Variants in OR4N2 observed in about 807,000 individuals in gnomAD.
OR4N2 encodes the protein olfactory receptor family 4 subfamily N member 2.
For synonymous variants in OR4N2, 141 were observed against 140.4 expected (o/e 1.00, Z -0.03); for missense variants, 307 against 377.6 (o/e 0.81, Z 1.55).
chr14:19,824,326 C>A (rs1780870), intron 1 of OR4N2, among the ~76,000 whole-genome samples: 4 of 152,114 alleles, frequency 2.6e-5, no homozygotes, highest in Non-Finnish European at 4.4e-5. Flanking sequence ...GAAGAAAGTT[C>A]ATCAAGAAGT....
In OR4N2 at chr14:19,828,514, G is replaced by A; in HGVS notation, c.*142G>A. The A allele has an allele frequency of 1.2e-6, 1 of 863,948 alleles. No individual in the cohort carries two copies. 53.5% of individuals were successfully genotyped at this position (863,948 alleles called of 1,614,324 possible). A position where few individuals can be genotyped will look rare whatever the true frequency, so the allele number is the denominator to read the frequency against. On this transcript the variant is annotated 3_prime_UTR_variant, in exon 2 of 2. Coordinates refer to ENST00000557677, the MANE Select transcript of OR4N2 (RefSeq NM_001004723.3). ...GGGAACTGAAAAAAGAAATTACTGA[G>A]GCAGATAAGGTCCATCTGCTCTCCA...
intron 1 of OR4N2, among the ~76,000 whole-genome samples, chr14:19,825,011 A>G (rs1879656250): frequency 6.6e-6 from 1 of 152,258 alleles, no homozygotes; most frequent in Non-Finnish European, 1.5e-5. Context: ...GGAAATTTTT[A>G]TATAGGCAGA....
At chr14:19,820,687 G>A (rs1879543241) in intron 1 of OR4N2, among the ~76,000 whole-genome samples, 1 of 152,256 alleles carries the variant, frequency 6.6e-6, no homozygotes, top group Non-Finnish European at 1.5e-5. Context: ...GTTGTGGGGG[G>A]CTCTGCCCAG....
intron 1 of OR4N2, among the ~76,000 whole-genome samples, chr14:19,820,532 C>T (rs951145419): frequency 1.1e-4 from 17 of 152,338 alleles, no homozygotes; most frequent in Middle Eastern, 3.4e-3. Flanking sequence ...TGCCCACAGC[C>T]GCCCTTCCCC....
intron 1 of OR4N2, among the ~76,000 whole-genome samples, chr14:19,826,627 A>G (rs1422400798): frequency 1.3e-5 from 2 of 152,254 alleles, no homozygotes; most frequent in Non-Finnish European, 2.9e-5. Context: ...TGCAAATTTT[A>G]TATTGTAGCA....
rs144682362 is a variant in OR4N2, at chr14:19,813,795, G to A, written c.-10+9951G>A. 2.4e-3 allele frequency among the ~76,000 whole-genome samples: 348 copies of A among 147,702 alleles called. 3 individuals are homozygous for A. Among genetic ancestry groups the A allele is most frequent in the African/African-American group, 8.6e-3 (326 of 38,062 alleles). ...CCTTGGATAAGGAATTTCGCCTCTG[G>A]ATGGTCTTGCTCTCCTTGTGGACTA... On this transcript the variant is annotated intron_variant, in intron 1 of 1. Transcript: ENST00000557677.
chr14:19,830,157 C>G lies in OR4N2; in HGVS notation c.*1785C>G, dbSNP rs956173839. 3 of 152,450 alleles carry G rather than the reference C, an allele frequency of 2.0e-5. No individual in the cohort carries two copies. The highest frequency in any genetic ancestry group is 7.2e-5 in the African/African-American group (3 of 41,464). The allele number at this position is 152,450 out of a possible 1,614,324, so 9.4% of individuals were successfully genotyped here. ...CACCTATAACATGAACTTTGTCCTC[C>G]CTATTGGGTGTAACCTTTAGCGTGT... On this transcript the variant is annotated 3_prime_UTR_variant, in exon 2 of 2. Transcript: ENST00000557677.
At chr14:19,814,476 A>G (rs1879377718) in intron 1 of OR4N2, among the ~76,000 whole-genome samples, 2 of 152,224 alleles carry the variant, frequency 1.3e-5, no homozygotes, top group African/African-American at 4.8e-5. Context: ...CTTATCTCGC[A>G]TGCAAAATTT....
chr14:19,825,390 G>A (rs1233654697), intron 1 of OR4N2, among the ~76,000 whole-genome samples: 1 of 152,184 alleles, frequency 6.6e-6, no homozygotes, highest in Non-Finnish European at 1.5e-5. Flanking sequence ...TTGCTTGTTT[G>A]TTTTGATTTT....
intron 1 of OR4N2, among the ~76,000 whole-genome samples, chr14:19,821,086 T>C (rs1372128850): frequency 1.8e-4 from 28 of 152,280 alleles, no homozygotes; most frequent in Admixed American, 1.8e-3. Context: ...TCTCCTGGTC[T>C]GCAGGTTGCA....
In OR4N2 at chr14:19,827,501, C is replaced by T. The variant is rs780194841; in HGVS notation, c.53C>T (p.Thr18Ile). Reference sequence around the variant, plus strand: ...AGAGAATTCATCCTCCTTGGTCTGACCCAGTCTCAAGATATTCAGCTCCTG... The same window carrying T: ...AGAGAATTCATCCTCCTTGGTCTGATCCAGTCTCAAGATATTCAGCTCCTG... ...VIREFILLGL[T>I]QSQDIQLLVF... The change falls in exon 2 of 2, where the codon ACC becomes ATC. Residue 18 changes from threonine (T) to isoleucine (I), a missense_variant. Coordinates refer to ENST00000557677, the MANE Select transcript of OR4N2 (RefSeq NM_001004723.3). The T allele has an allele frequency of 1.9e-6, 3 of 1,612,632 alleles. No individual in the cohort carries two copies. The highest frequency in any genetic ancestry group is 2.5e-6 in the Non-Finnish European group (3 of 1,179,176).
At chr14:19,817,521 T>G (rs866795464) in intron 1 of OR4N2, among the ~76,000 whole-genome samples, 1 of 152,290 alleles carries the variant, frequency 6.6e-6, no homozygotes, top group South Asian at 2.1e-4. Flanking sequence ...TGTAATTCTG[T>G]GGGATCAGTG....
chr14:19,812,923 T>C (rs1291871231), intron 1 of OR4N2, among the ~76,000 whole-genome samples: 1 of 152,266 alleles, frequency 6.6e-6, no homozygotes, highest in Non-Finnish European at 1.5e-5. Flanking sequence ...AATGCATAAA[T>C]TGAATATAAT....
At chr14:19,825,526 CTTATTTATTTAT>C (rs71108560) in intron 1 of OR4N2, among the ~76,000 whole-genome samples, 187 of 140,810 alleles carry the variant, frequency 1.3e-3, no homozygotes, top group South Asian at 2.7e-3. Flanking sequence ...TGCTAGAGCA[CTTATTTATTTAT>C]TTATTTATTT....
chr14:19,818,376 G>T (rs1879480322), intron 1 of OR4N2, among the ~76,000 whole-genome samples: 3 of 152,164 alleles, frequency 2.0e-5, no homozygotes, highest in Admixed American at 2.0e-4. Flanking sequence ...TGTATTAGGT[G>T]CATACATATT....
At position 19,827,643 on chromosome 14, in the gene OR4N2, C is replaced by A. The variant is rs747365015; in HGVS notation, c.195C>A (p.Asn65Lys). 1.9e-6 allele frequency: 3 copies of A among 1,614,148 alleles called. No homozygotes were observed. Among genetic ancestry groups the A allele is most frequent in the Non-Finnish European group, 2.5e-6 (3 of 1,179,970 alleles). The part of the protein sequence containing the change: ...LTAPLYFFLG[N>K]LAFLDASYSF... ...CCCCCCTCTATTTCTTTCTGGGCAA[C>A]TTGGCCTTCCTGGATGCATCCTACT... Residue 65 changes from asparagine (N) to lysine (K), a missense_variant, in exon 2 of 2, where the codon AAC becomes AAA. By Grantham distance (94) the Asn-to-Lys change is moderately conservative. Coordinates refer to ENST00000557677, the MANE Select transcript of OR4N2 (RefSeq NM_001004723.3).
intron 1 of OR4N2, chr14:19,822,556 T>G (rs1879593497): frequency 6.6e-6 from 1 of 152,282 alleles, no homozygotes; most frequent in African/African-American, 2.4e-5. Flanking sequence ...CCACTAGCTG[T>G]ACTGGCAATT....
In OR4N2 at chr14:19,829,314, CTAAGTT is replaced by C. The variant is rs1879807787; in HGVS notation, c.*946_*951del. 6.6e-6 allele frequency: 1 copy of C among 152,194 alleles called. No individual in the cohort carries two copies. Among genetic ancestry groups the C allele is most frequent in the African/African-American group, 2.4e-5 (1 of 41,442 alleles). The allele number at this position is 152,194 out of a possible 1,614,324, so 9.4% of individuals were successfully genotyped here. ...GACCTTATTGCCAATTGATTTCACT[CTAAGTT>C]TAATAACAACAGTCTTTTGGTAGAG... On this transcript the variant is annotated 3_prime_UTR_variant, in exon 2 of 2. Coordinates refer to ENST00000557677, the MANE Select transcript of OR4N2 (RefSeq NM_001004723.3).
chr14:19,825,056 AG>A (rs1213362666), intron 1 of OR4N2, among the ~76,000 whole-genome samples: 34 of 152,384 alleles, frequency 2.2e-4, no homozygotes, highest in African/African-American at 7.7e-4. Flanking sequence ...TGGCTGGCAA[AG>A]GGGGAAAGGT....
Sources: gnomAD v4.1 joint callset for allele counts (sites outside exome capture counted in the v4.1 genomes callset) on GRCh38, gnomAD v4.1.1 for gene constraint, MANE v1.5 for transcripts, NCBI Gene and HGNC (gene_info 2026-07-23, HGNC 2026-07-21) for gene names.